LSP1: variants seen among roughly 807,000 people sequenced by gnomAD.
LSP1 encodes the protein lymphocyte specific protein 1, also known as lymphocyte-specific protein 1.
In LSP1, 32 loss-of-function variants were observed where a neutral mutation model predicts 49.3. The ratio of observed to expected loss-of-function variants is 0.65; its 90% CI spans 0.49 to 0.87. The LOEUF is 0.87. LSP1 is among the 40% of genes least tolerant of loss of function. The probability of loss-of-function intolerance (pLI) is 0.00; values close to 1 mark genes in which losing one functional copy is unlikely to be tolerated. For synonymous variants in LSP1, 179 were observed against 178.8 expected (o/e 1.00, Z -0.01); for missense variants, 428 against 442.6 (o/e 0.97, Z 0.30).
At chr11:1,859,532 T>A (rs899770937) in intron 1 of LSP1, 2 of 154,578 alleles carry the variant, frequency 1.3e-5, no homozygotes, top group East Asian at 3.8e-4. Flanking sequence ...CCCAGGTACC[T>A]CCCCTCAGAA....
intron 1 of LSP1, chr11:1,871,060 C>T (rs550879890): frequency 5.1e-6 from 5 of 985,518 alleles, no homozygotes; most frequent in Admixed American, 6.1e-5. Flanking sequence ...GTGAGAGCTG[C>T]GGCGGAGGAC....
chr11:1,860,392 G>A (rs1413382417), intron 1 of LSP1, among the ~76,000 whole-genome samples: 2 of 151,960 alleles, frequency 1.3e-5, no homozygotes, highest in Non-Finnish European at 2.9e-5. Context: ...TGGATGGGGT[G>A]GATGAATGAA....
chr11:1,855,365 G>T (rs10839821), intron 1 of LSP1, among the ~76,000 whole-genome samples: 1 of 152,040 alleles, frequency 6.6e-6, no homozygotes, highest in African/African-American at 2.4e-5. Flanking sequence ...ACAGCCCCCC[G>T]TGCATGTCAC....
intron 1 of LSP1, among the ~76,000 whole-genome samples, chr11:1,875,769 C>T (rs546898845): frequency 1.3e-5 from 2 of 152,282 alleles, no homozygotes; most frequent in Non-Finnish European, 2.9e-5. Flanking sequence ...GGCAGGTTCC[C>T]GTCTCTACGC....
At chr11:1,856,388 C>T (rs1328219048) in intron 1 of LSP1, among the ~76,000 whole-genome samples, 1 of 152,256 alleles carries the variant, frequency 6.6e-6, no homozygotes, top group Non-Finnish European at 1.5e-5. Flanking sequence ...TGTCAGAGCC[C>T]TGGCACATGC....
Position 1,886,071 on chromosome 11 carries a change from C to T in LSP1, c.718-661C>T, listed in dbSNP as rs72479401. Among the ~76,000 whole-genome samples, 435 of 151,848 alleles carry T rather than the reference C, an allele frequency of 2.9e-3. 5 individuals carry two copies. The East Asian group carries it at 0.053, about 19-fold the overall frequency. ...TCCTATCAATATTCCTCCATCCAAC[C>T]AATACTTCCCCATCCAATCAATACT... On this transcript the variant is annotated intron_variant, in intron 7 of 10. Transcript: ENST00000311604.
chr11:1,872,127 G>A (rs180931322), intron 1 of LSP1, among the ~76,000 whole-genome samples: 4,125 of 128,500 alleles, frequency 0.032, 38 homozygotes, highest in African/African-American at 0.04. Flanking sequence ...TGTGTGTGGC[G>A]GGCAGGCCTG....
In LSP1 at chr11:1,884,937, C is replaced by T. The variant is rs116484712; in HGVS notation, c.717+356C>T. On this transcript the variant is annotated intron_variant, in intron 7 of 10. Transcript: ENST00000311604. This position sits in a 1 kb window ranked among gnomAD's most constrained non-coding sequence, Gnocchi z 4.1. ...TCCTCCATTCAATCAATGCCCCCCT[C>T]GGAACAGTACTCCACCACCCAATCA... Among the ~76,000 whole-genome samples the T allele has an allele frequency of 5.6e-3, 845 of 152,036 alleles. 5 individuals are homozygous for T. The highest frequency in any genetic ancestry group is 0.017 in the African/African-American group (724 of 41,450).
intron 1 of LSP1, among the ~76,000 whole-genome samples, chr11:1,860,652 G>A (rs760241900): frequency 1.3e-5 from 2 of 152,134 alleles, no homozygotes; most frequent in African/African-American, 2.4e-5. Context: ...TACTGGAATG[G>A]GTGCTGATTA....
chr11:1,889,687 C>G (rs1306504194), intron 10 of LSP1: 1 of 635,490 alleles, frequency 1.6e-6, no homozygotes, highest in South Asian at 1.8e-5. Flanking sequence ...GCGGGGCCAG[C>G]CATCGGGGGC....
chr11:1,884,015 T>C lies in LSP1; in HGVS notation c.582T>C (p.Pro194=). 1.2e-6 allele frequency: 2 copies of C among 1,610,270 alleles called. No homozygotes were observed. The highest frequency in any genetic ancestry group is 8.5e-7 in the Non-Finnish European group (1 of 1,178,760). ...TIEQSSPPLS[P]TTKLIDRTES... The stretch of plus-strand genomic sequence containing the variant: ...AACAGAGCTCGCCTCCCCTGAGCCC[T>C]ACCACCAAAGTAAGTTAAGCTGCAA... Residue 194 remains proline, a synonymous_variant, in exon 5 of 11, where the codon CCT becomes CCC. Coordinates refer to ENST00000311604, the MANE Select transcript of LSP1 (RefSeq NM_002339.3). The surrounding 1 kb of genome is among the most constrained non-coding windows in gnomAD (Gnocchi z 4.1).
intron 1 of LSP1, chr11:1,871,145 C>T (rs1589815203): frequency 6.1e-6 from 6 of 985,520 alleles, no homozygotes; most frequent in African/African-American, 1.7e-5. Context: ...GGCTCGGCAG[C>T]GTTGTGGTTA....
chr11:1,862,930 T>C (rs1447211220), intron 1 of LSP1, among the ~76,000 whole-genome samples: 1 of 152,176 alleles, frequency 6.6e-6, no homozygotes, highest in Non-Finnish European at 1.5e-5. Flanking sequence ...AATCCTGTGG[T>C]CTCTGCAGCT....
chr11:1,877,358 G>A (rs892291251), intron 1 of LSP1, among the ~76,000 whole-genome samples: 1 of 152,202 alleles, frequency 6.6e-6, no homozygotes, highest in Non-Finnish European at 1.5e-5. Context: ...CTGGGTCAGA[G>A]GCCAGGGGCT....
At chr11:1,872,924 G>A (rs1229599118) in intron 1 of LSP1, among the ~76,000 whole-genome samples, 1 of 152,054 alleles carries the variant, frequency 6.6e-6, no homozygotes, top group African/African-American at 2.4e-5. Context: ...TTCAGCAATG[G>A]AGGAGGCGAC....
At chr11:1,867,033 G>A (rs1006883275) in intron 1 of LSP1, 13 of 1,032,734 alleles carry the variant, frequency 1.3e-5, no homozygotes, top group Non-Finnish European at 1.8e-5. Context: ...CAGTCCCTGT[G>A]GACCTGGGGA....
At chr11:1,858,347 G>A (rs976275522) in intron 1 of LSP1, among the ~76,000 whole-genome samples, 6 of 152,176 alleles carry the variant, frequency 3.9e-5, no homozygotes, top group African/African-American at 1.4e-4. Context: ...AGGCTCCCAA[G>A]AGCACCAGAG....
intron 3 of LSP1, 133 bp from the exon 4 acceptor site, chr11:1,883,286 C>T (rs557320368): frequency 8.8e-7 from 1 of 1,141,180 alleles, no homozygotes; most frequent in East Asian, 2.4e-5. Flanking sequence ...GCTTGGGTCT[C>T]AGATCCCTTG....
chr11:1,880,466 C>T (rs569794366), intron 2 of LSP1, among the ~76,000 whole-genome samples: 7 of 152,178 alleles, frequency 4.6e-5, no homozygotes, highest in South Asian at 2.1e-4. Flanking sequence ...GCTCTGTGTC[C>T]GTGCCCTGGC....
Sources: gnomAD v4.1 joint callset for allele counts (sites outside exome capture counted in the v4.1 genomes callset) on GRCh38, gnomAD v4.1.1 for gene constraint, Gnocchi (gnomAD v3.1) non-coding constraint, MANE v1.5 for transcripts, NCBI Gene and HGNC (gene_info 2026-07-23, HGNC 2026-07-21) for gene names.